Variants in CHEK1 observed in about 807,000 individuals in gnomAD.
CHEK1 encodes checkpoint kinase 1, also known as serine/threonine-protein kinase Chk1.
A neutral mutation model predicts 60.2 loss-of-function variants in CHEK1; 32 were observed. That is an observed-to-expected ratio of 0.53 (90% CI 0.40 to 0.71). The LOEUF is 0.71. Among genes scored for constraint, CHEK1 ranks in the 30% least tolerant of loss-of-function variants. The probability of loss-of-function intolerance (pLI) is 0.00; values close to 1 mark genes in which losing one functional copy is unlikely to be tolerated. For synonymous variants in CHEK1, 179 were observed against 187.2 expected (o/e 0.96, Z 0.36); for missense variants, 399 against 564.6 (o/e 0.71, Z 2.97).
At chr11:125,642,571 CAAACTT>C (rs1178475591) in intron 8 of CHEK1, among the ~76,000 whole-genome samples, 1 of 151,770 alleles carries the variant, frequency 6.6e-6, no homozygotes. Context: ...TAAAAAGAAA[CAAACTT>C]AAGCATGTTT....
At chr11:125,646,272 C>T (rs556809164) in intron 11 of CHEK1, among the ~76,000 whole-genome samples, 5 of 152,212 alleles carry the variant, frequency 3.3e-5, no homozygotes, top group Middle Eastern at 3.4e-3. Context: ...TCATTTAGCA[C>T]GTTTTCAAGG....
chr11:125,643,882 C>T lies in CHEK1; in HGVS notation c.905C>T (p.Pro302Leu), dbSNP rs1363144435. The T allele has an allele frequency of 8.7e-6, 14 of 1,613,664 alleles. No homozygotes were observed. Among genetic ancestry groups the T allele is most frequent in the Admixed American group, 3.3e-5 (2 of 59,990 alleles). Residue 302 changes from proline to leucine, a missense_variant, in exon 9 of 13, where the codon CCA becomes CTA. By Grantham distance (98) the Pro-to-Leu change is moderately conservative. Around this residue, in one of 2 missense-constraint regions of CHEK1, gnomAD observed 370 missense variants for 494.8 expected, o/e 0.75. Coordinates refer to ENST00000438015, the MANE Select transcript of CHEK1 (RefSeq NM_001114122.3). ...KHIQSNLDFSPVNSASSEENV... is the reference protein window; with the variant it reads ...KHIQSNLDFSLVNSASSEENV... ...ATTCAATCCAATTTGGACTTCTCTC[C>T]AGTAAACAGTGCTTCTAGGTAAGAC...
chr11:125,630,291 A>C (rs553938393), intron 5 of CHEK1, among the ~76,000 whole-genome samples: 2 of 151,896 alleles, frequency 1.3e-5, no homozygotes, highest in Non-Finnish European at 2.9e-5. Flanking sequence ...TTAGTATTAG[A>C]ATAGTGCTTA....
intron 13 of CHEK1, among the ~76,000 whole-genome samples, chr11:125,664,441 A>G (rs540394443): frequency 3.3e-5 from 5 of 151,782 alleles, no homozygotes; most frequent in African/African-American, 4.8e-5. Flanking sequence ...TACCACGTTG[A>G]CCAGGCTGGT....
intron 2 of CHEK1, among the ~76,000 whole-genome samples, chr11:125,627,296 A>G (rs1479543344): frequency 6.6e-6 from 1 of 152,226 alleles, no homozygotes; most frequent in African/African-American, 2.4e-5. Flanking sequence ...TATGGGATTA[A>G]TGCTCTTAAA....
chr11:125,630,313 GC>G (rs1490390028), intron 5 of CHEK1, among the ~76,000 whole-genome samples: 1 of 144,494 alleles, frequency 6.9e-6, no homozygotes, highest in African/African-American at 2.5e-5. Context: ...CAAATGGTCA[GC>G]TTTTTTTTTT....
chr11:125,655,154 A>T, intron 12 of CHEK1, 71 bp from the exon 13 acceptor site: 1 of 1,148,022 alleles, frequency 8.7e-7, no homozygotes, highest in Non-Finnish European at 1.3e-6. Flanking sequence ...CTACAAAGAG[A>T]TTGATTTTAG....
Position 125,625,486 on chromosome 11 carries a change from G to A in CHEK1, c.-547G>A, listed in dbSNP as rs989384884. 10 of 384,842 alleles carry A rather than the reference G, an allele frequency of 2.6e-5. No homozygotes were observed. The highest frequency in any genetic ancestry group is 4.0e-5 in the African/African-American group (2 of 49,514). The allele number at this position is 384,842 out of a possible 1,614,324, so 23.8% of individuals were successfully genotyped here. ...GCTGGTTTCTCGGCTCCAGCACCAC[G>A]AGTACCGCACTCTGAGGTTTACAAA... is the stretch of plus-strand genomic sequence containing the variant. On this transcript the variant is annotated 5_prime_UTR_variant, in exon 1 of 13. Coordinates refer to ENST00000438015, the MANE Select transcript of CHEK1 (RefSeq NM_001114122.3).
intron 6 of CHEK1, 37 bp from the exon 7 acceptor site, chr11:125,635,392 G>C (rs766386973): frequency 3.3e-6 from 4 of 1,214,466 alleles, no homozygotes; most frequent in Non-Finnish European, 4.7e-6. Flanking sequence ...TTTATAATAA[G>C]AACATTTAAA....
chr11:125,631,822 A>T (rs1380972588), intron 5 of CHEK1, among the ~76,000 whole-genome samples: 5 of 138,544 alleles, frequency 3.6e-5, no homozygotes, highest in Admixed American at 1.6e-4. Context: ...TGATCACATC[A>T]CTACACTCTA....
At chr11:125,645,541 T>TGATTTTTTCCA (rs1941470544) in intron 11 of CHEK1, among the ~76,000 whole-genome samples, 2 of 152,292 alleles carry the variant, frequency 1.3e-5, no homozygotes, top group Admixed American at 6.5e-5. Flanking sequence ...TGAAAAAAAC[T>TGATTTTTTCCA]ATAACGGACA....
At chr11:125,679,408 G>A (rs1280959978), downstream of CHEK1, among the ~76,000 whole-genome samples, 1 of 151,848 alleles carries the variant, frequency 6.6e-6, no homozygotes, top group African/African-American at 2.4e-5. Flanking sequence ...AGTAGAGACA[G>A]GGTCTCGCCA....
In CHEK1 at chr11:125,653,460, C is replaced by T. The variant is rs1941804360; in HGVS notation, c.1234-286C>T. ...GAAGCGATCCTTCTGCTTTGGCCTC[C>T]CAAAGTGCTGGATTACAGGCGTGAG... On this transcript the variant is annotated intron_variant, in intron 11 of 12. Transcript: ENST00000438015. The surrounding 1 kb of genome is among the most constrained non-coding windows in gnomAD (Gnocchi z 4.3). Among the ~76,000 whole-genome samples the T allele has an allele frequency of 6.6e-6, 1 of 152,182 alleles. No homozygotes were observed. Among genetic ancestry groups the T allele is most frequent in the Non-Finnish European group, 1.5e-5 (1 of 68,038 alleles).
intron 11 of CHEK1, 118 bp downstream of exon 11, chr11:125,644,761 C>G (rs998587280): frequency 1.2e-5 from 14 of 1,179,414 alleles, no homozygotes; most frequent in Non-Finnish European, 1.5e-5. Flanking sequence ...GTAATCCCAG[C>G]TTTTTGGGAG....
At chr11:125,678,476 G>A (rs75903944), downstream of CHEK1, among the ~76,000 whole-genome samples, 1 of 152,158 alleles carries the variant, frequency 6.6e-6, no homozygotes, top group African/African-American at 2.4e-5. Flanking sequence ...AGGCCATGGA[G>A]GACAGAAGTG....
At chr11:125,642,819 A>AT (rs1281720061) in intron 8 of CHEK1, 1 of 152,258 alleles carries the variant, frequency 6.6e-6, no homozygotes, top group East Asian at 1.9e-4. Flanking sequence ...TAATGGCTTT[A>AT]TTTTTTCTCT....
At chr11:125,641,922 C>T (rs1426076640) in intron 8 of CHEK1, among the ~76,000 whole-genome samples, 3 of 152,132 alleles carry the variant, frequency 2.0e-5, no homozygotes, top group Non-Finnish European at 2.9e-5. Flanking sequence ...TTAGTTCTCA[C>T]GTGTAGTGTA....
chr11:125,644,292 AG>A, intron 10 of CHEK1, 24 bp downstream of exon 10: 1 of 1,588,100 alleles, frequency 6.3e-7, no homozygotes, highest in Non-Finnish European at 8.5e-7. Flanking sequence ...ATTTTTTAAA[AG>A]TAATGGCAGC....
Position 125,656,266 on chromosome 11 carries a change from G to A in CHEK1, c.*946G>A, listed in dbSNP as rs567889. ...CTTAGGAGGCTGAGAGAGGAGGATC[G>A]CGTGAACCTGGAAGTTTGAGGCTGT... is the stretch of plus-strand genomic sequence containing the variant. On this transcript the variant is annotated 3_prime_UTR_variant, in exon 13 of 13. Coordinates refer to ENST00000438015, the MANE Select transcript of CHEK1 (RefSeq NM_001114122.3). The A allele has an allele frequency of 0.47, 100,313 of 213,768 alleles. 24,459 individuals carry two copies. The highest frequency in any genetic ancestry group is 0.57 in the Admixed American group (9,758 of 17,060). The allele number at this position is 213,768 out of a possible 1,614,324, so 13.2% of individuals were successfully genotyped here.
Sources: gnomAD v4.1 joint callset for allele counts (sites outside exome capture counted in the v4.1 genomes callset) on GRCh38, gnomAD v4.1.1 for gene constraint, gnomAD v4.1.1 regional missense constraint, Gnocchi (gnomAD v3.1) non-coding constraint, MANE v1.5 for transcripts, NCBI Gene and HGNC (gene_info 2026-07-23, HGNC 2026-07-21) for gene names.